PLEKHH2: variants seen among roughly 807,000 people sequenced by gnomAD.
PLEKHH2 encodes the protein pleckstrin homology domain-containing family H member 2.
In PLEKHH2, 129 loss-of-function variants were observed where a neutral mutation model predicts 187.9. The ratio of observed to expected loss-of-function variants is 0.69; its 90% CI spans 0.59 to 0.79. The LOEUF (loss-of-function observed/expected upper bound fraction) is 0.79, where lower values mean the gene tolerates loss of function less well. Among genes scored for constraint, PLEKHH2 ranks in the 30% least tolerant of loss-of-function variants. The probability of loss-of-function intolerance (pLI) is 0.00; values close to 1 mark genes in which losing one functional copy is unlikely to be tolerated. For missense variants in PLEKHH2, 2,076 were observed against 1,751.2 expected (o/e 1.19, Z -3.31); for synonymous variants, 686 against 605.6 (o/e 1.13, Z -1.95).
intron 11 of PLEKHH2, among the ~76,000 whole-genome samples, 195 bp downstream of exon 11, chr2:43,707,740 A>T (rs1669731675): frequency 8.1e-6 from 1 of 122,924 alleles, no homozygotes; most frequent in Non-Finnish European, 1.6e-5. Flanking sequence ...CAGACAAATT[A>T]TATAGTTTTT....
At chr2:43,713,392 A>G (rs745846095) in intron 15 of PLEKHH2, among the ~76,000 whole-genome samples, 1 of 152,156 alleles carries the variant, frequency 6.6e-6, no homozygotes, top group Non-Finnish European at 1.5e-5. Context: ...TTCATAATAA[A>G]GAAAAATTGG....
chr2:43,720,567 G>A, intron 15 of PLEKHH2, 102 bp from the exon 16 acceptor site: 1 of 1,540,778 alleles, frequency 6.5e-7, no homozygotes, highest in South Asian at 1.2e-5. Flanking sequence ...TTATATCTGG[G>A]CAAACTGGAT....
chr2:43,757,774 T>C (rs1345455100), intron 26 of PLEKHH2, among the ~76,000 whole-genome samples: 1 of 148,374 alleles, frequency 6.7e-6, no homozygotes, highest in African/African-American at 2.4e-5. Flanking sequence ...AAACTTTCTT[T>C]AATTAAAAAA....
In PLEKHH2 at chr2:43,742,874, T is replaced by A; in HGVS notation, c.3355T>A (p.Leu1119Met). Residue 1119 changes from leucine to methionine, a missense_variant, in exon 22 of 30, where the codon TTG (leucine) becomes ATG (methionine). Coordinates refer to ENST00000282406, the MANE Select transcript of PLEKHH2 (RefSeq NM_172069.4). Reference sequence around the variant, plus strand: ...TCTCCGAAACCCTTATCACCATTCTTTGCCCTTTAGTATACCTGTGCACTT... The same window carrying A: ...TCTCCGAAACCCTTATCACCATTCTATGCCCTTTAGTATACCTGTGCACTT... ...TLLRNPYHHS[L>M]PFSIPVHFMN... The A allele has an allele frequency of 6.2e-7, 1 of 1,606,506 alleles. No individual in the cohort carries two copies. Among genetic ancestry groups the A allele is most frequent in the South Asian group, 1.1e-5 (1 of 89,368 alleles).
intron 23 of PLEKHH2, 116 bp from the exon 24 acceptor site, chr2:43,745,750 T>C: frequency 1.5e-6 from 1 of 653,496 alleles, no homozygotes; most frequent in East Asian, 2.8e-5. Context: ...ACAAAAAGCT[T>C]GAGTATATTT....
intron 2 of PLEKHH2, among the ~76,000 whole-genome samples, chr2:43,645,534 G>T (rs1253831971): frequency 1.3e-5 from 2 of 152,124 alleles, no homozygotes; most frequent in Non-Finnish European, 2.9e-5. Flanking sequence ...CAACACTTCA[G>T]ATAAGGCTAG....
chr2:43,715,093 C>T (rs1324393928), intron 15 of PLEKHH2, among the ~76,000 whole-genome samples: 1 of 151,976 alleles, frequency 6.6e-6, no homozygotes, highest in Non-Finnish European at 1.5e-5. Flanking sequence ...GCCTGACCAA[C>T]ATGGTGAAAA....
At chr2:43,685,559 C>G (rs10194965) in intron 3 of PLEKHH2, among the ~76,000 whole-genome samples, 2,620 of 151,752 alleles carry the variant, frequency 0.017, 86 homozygotes, top group African/African-American at 0.06. Context: ...TCTGGAGTAG[C>G]TAGGGCTGCA....
chr2:43,721,389 T>G, intron 16 of PLEKHH2, among the ~76,000 whole-genome samples: 1 of 152,220 alleles, frequency 6.6e-6, no homozygotes, highest in East Asian at 1.9e-4. Context: ...TAATGATGAC[T>G]GCTCCTCTGA....
intron 14 of PLEKHH2, chr2:43,711,040 T>A (rs1558540189): frequency 2.9e-5 from 29 of 989,442 alleles, no homozygotes; most frequent in Admixed American, 6.1e-5. Flanking sequence ...GCAGAGGGAG[T>A]GTGCTGCCAA....
chr2:43,740,937 C>T lies in PLEKHH2; in HGVS notation c.3124-9C>T, dbSNP rs774042918. Reference sequence around the variant, plus strand: ...TGGTATCTAACCTGTGGTGCTTCTCCCTGCCCAGGGCTGGCAGCTCTTGGC... The same window carrying T: ...TGGTATCTAACCTGTGGTGCTTCTCTCTGCCCAGGGCTGGCAGCTCTTGGC... On this transcript the variant is annotated splice_polypyrimidine_tract_variant and intron_variant, in intron 20 of 29. Coordinates refer to ENST00000282406, the MANE Select transcript of PLEKHH2 (RefSeq NM_172069.4). The T allele has an allele frequency of 6.2e-7, 1 of 1,612,922 alleles. No individual in the cohort carries two copies. Among genetic ancestry groups the T allele is most frequent in the South Asian group, 1.1e-5 (1 of 90,800 alleles).
Position 43,758,953 on chromosome 2 carries a change from C to G in PLEKHH2, c.3995C>G (p.Ala1332Gly), listed in dbSNP as rs1300141322. 6.2e-7 allele frequency: 1 copy of G among 1,611,590 alleles called. No individual in the cohort carries two copies. The highest frequency in any genetic ancestry group is 1.3e-5 in the African/African-American group (1 of 74,874). ...TRWMALRGHS[A>G]ADCVRIYLTV... ...TGGATGGCCCTCCGGGGACACAGTG[C>G]TGCTGACTGTGTGCGCATTTATTTG... is the stretch of plus-strand genomic sequence containing the variant. The change falls in exon 27 of 30, where the codon GCT (alanine) becomes GGT (glycine). Residue 1332 changes from alanine (A) to glycine (G), a missense_variant. By Grantham distance (60) the Ala-to-Gly change is moderately conservative. Transcript: ENST00000282406.
chr2:43,731,085 G>C (rs538170376), intron 18 of PLEKHH2, among the ~76,000 whole-genome samples: 1 of 152,290 alleles, frequency 6.6e-6, no homozygotes, highest in South Asian at 2.1e-4. Flanking sequence ...AAACTGTGAG[G>C]ATGCAAAGGC....
chr2:43,688,442 T>C (rs898292609), intron 3 of PLEKHH2, among the ~76,000 whole-genome samples: 2 of 152,340 alleles, frequency 1.3e-5, no homozygotes, highest in Non-Finnish European at 2.9e-5. Flanking sequence ...AATAGAAACT[T>C]GCAACCCCCT....
At chr2:43,713,470 A>G (rs1037876265) in intron 15 of PLEKHH2, among the ~76,000 whole-genome samples, 1 of 152,130 alleles carries the variant, frequency 6.6e-6, no homozygotes, top group Non-Finnish European at 1.5e-5. Flanking sequence ...ATGCTTTACT[A>G]TGCAGCCTTT....
chr2:43,720,552 A>G (rs1670432375), intron 15 of PLEKHH2, 117 bp from the exon 16 acceptor site: 1 of 1,491,518 alleles, frequency 6.7e-7, no homozygotes, highest in African/African-American at 1.4e-5. Context: ...TATTTGGAAT[A>G]TCACTTATAT....
intron 2 of PLEKHH2, among the ~76,000 whole-genome samples, chr2:43,654,388 G>C (rs1188660732): frequency 6.6e-6 from 1 of 151,766 alleles, no homozygotes; most frequent in East Asian, 2.0e-4. Flanking sequence ...GTAGAGATGA[G>C]GTTTCACCAT....
rs1558578231 is a variant in PLEKHH2 at position 43,729,758 on chromosome 2, A to G, written c.2830+13A>G. 3 of 1,547,208 alleles carry G rather than the reference A, an allele frequency of 1.9e-6. No homozygotes were observed. The highest frequency in any genetic ancestry group is 2.3e-5 in the East Asian group (1 of 44,064). On this transcript the variant is annotated intron_variant, in intron 18 of 29. Transcript: ENST00000282406. ...GACGGGGAGCCTTGTAAGTTCATAA[A>G]CATATAAATAAAGCTTTATGGTTAA...
At chr2:43,704,311 A>G (rs1669540225) in intron 9 of PLEKHH2, among the ~76,000 whole-genome samples, 1 of 152,144 alleles carries the variant, frequency 6.6e-6, no homozygotes, top group African/African-American at 2.4e-5. Context: ...AAAGTTCTAG[A>G]GGTCTGTTTT....
Sources: gnomAD v4.1 joint callset for allele counts (sites outside exome capture counted in the v4.1 genomes callset) on GRCh38, gnomAD v4.1.1 for gene constraint, MANE v1.5 for transcripts, NCBI Gene and HGNC (gene_info 2026-07-23, HGNC 2026-07-21) for gene names.